Variants in CFAP54 observed in about 807,000 individuals in gnomAD.
CFAP54 encodes the protein cilia- and flagella-associated protein 54.
A neutral mutation model predicts 370.4 loss-of-function variants in CFAP54; 290 were observed. The ratio of observed to expected loss-of-function variants is 0.78; its 90% CI spans 0.71 to 0.86. CFAP54 has a LOEUF of 0.86. CFAP54 is among the 40% of genes least tolerant of loss of function. The pLI is 0.00. For synonymous variants in CFAP54, 1,206 were observed against 1,236.5 expected (o/e 0.98, Z 0.52); for missense variants, 3,399 against 3,528.7 (o/e 0.96, Z 0.93).
In CFAP54 at chr12:96,764,265, G is replaced by A. The variant is rs1310955252; in HGVS notation, c.8139+16G>A. 3 of 1,578,536 alleles carry A rather than the reference G, an allele frequency of 1.9e-6. No homozygotes were observed. The highest frequency in any genetic ancestry group is 2.6e-6 in the Non-Finnish European group (3 of 1,150,772). Reference sequence around the variant, plus strand: ...TGCTGCACAGGTTGGTGTGATTTTTGTTTAATCTTTCTTCTTACTGTCATA... The same window carrying A: ...TGCTGCACAGGTTGGTGTGATTTTTATTTAATCTTTCTTCTTACTGTCATA... On this transcript the variant is annotated intron_variant, in intron 59 of 67. Transcript: ENST00000524981.
intron 66 of CFAP54, among the ~76,000 whole-genome samples, chr12:96,830,318 C>A (rs1238002615): frequency 6.6e-6 from 1 of 152,186 alleles, no homozygotes; most frequent in East Asian, 1.9e-4. Context: ...CTACCACCAA[C>A]AATGCATAGA....
intron 64 of CFAP54, among the ~76,000 whole-genome samples, chr12:96,814,036 C>A (rs1958952651): frequency 6.6e-6 from 1 of 152,202 alleles, no homozygotes; most frequent in African/African-American, 2.4e-5. Flanking sequence ...ACTCAGCCTG[C>A]TTTGCCCGTT....
chr12:96,838,142 C>T (rs190022938), intron 66 of CFAP54, among the ~76,000 whole-genome samples: 20 of 152,156 alleles, frequency 1.3e-4, no homozygotes, highest in Admixed American at 5.2e-4. Flanking sequence ...AAGCATTTTC[C>T]GCTGATTAGG....
chr12:96,757,450 T>C lies in CFAP54; in HGVS notation c.7947-45T>C, dbSNP rs892666204. The C allele has an allele frequency of 9.9e-6, 11 of 1,110,360 alleles. No individual in the cohort carries two copies. In the Admixed American group the frequency reaches 2.2e-4, roughly 23 times the overall value. 68.8% of individuals were successfully genotyped at this position (1,110,360 alleles called of 1,614,324 possible). The stretch of plus-strand genomic sequence containing the variant: ...TGTTGGCAAATGATACCAATGATTA[T>C]GCATGGTGAAGCTATTTAATAAGTA... On this transcript the variant is annotated intron_variant, in intron 57 of 67. Transcript: ENST00000524981.
At chr12:96,823,837 C>A (rs75381034) in intron 65 of CFAP54, among the ~76,000 whole-genome samples, 1,759 of 152,196 alleles carry the variant, frequency 0.012, 31 homozygotes, top group African/African-American at 0.039. Flanking sequence ...CAGCACCTCG[C>A]CTGGAAGGGC....
At chr12:96,780,661 C>A (rs1958572120) in intron 60 of CFAP54, among the ~76,000 whole-genome samples, 1 of 152,210 alleles carries the variant, frequency 6.6e-6, no homozygotes, top group East Asian at 1.9e-4. Flanking sequence ...GTTGAAAAGG[C>A]CTATTGTGTT....
chr12:96,752,168 A>G (rs2136655097), intron 55 of CFAP54, among the ~76,000 whole-genome samples: 1 of 148,188 alleles, frequency 6.7e-6, no homozygotes, highest in Middle Eastern at 3.6e-3. Context: ...TTCACATAGC[A>G]CATGCCTGAA....
intron 36 of CFAP54, among the ~76,000 whole-genome samples, chr12:96,653,342 A>G (rs1423005055): frequency 1.3e-5 from 2 of 152,236 alleles, no homozygotes; most frequent in South Asian, 2.1e-4. Context: ...GTAAGTGCAC[A>G]TGATGTGTTC....
At chr12:96,702,069 G>A (rs1957497943) in intron 46 of CFAP54, among the ~76,000 whole-genome samples, 1 of 152,148 alleles carries the variant, frequency 6.6e-6, no homozygotes, top group Non-Finnish European at 1.5e-5. Flanking sequence ...GGTTCTGGGT[G>A]TGTTGTGAAG....
intron 30 of CFAP54, among the ~76,000 whole-genome samples, chr12:96,627,940 T>C (rs957008217): frequency 3.3e-5 from 5 of 152,232 alleles, no homozygotes; most frequent in African/African-American, 4.8e-5. Context: ...AAGATTATAA[T>C]ACTGTATTTA....
At chr12:96,585,798 TTTC>T (rs1178842684) in intron 22 of CFAP54, among the ~76,000 whole-genome samples, 13 of 152,204 alleles carry the variant, frequency 8.5e-5, no homozygotes, top group African/African-American at 3.1e-4. Flanking sequence ...CCCAACCTGC[TTTC>T]TCCCTCTGCT....
chr12:96,589,655 C>A, intron 23 of CFAP54, 92 bp downstream of exon 23: 1 of 783,140 alleles, frequency 1.3e-6, no homozygotes, highest in Non-Finnish European at 2.0e-6. Context: ...ATATCATGTT[C>A]AGATAGTCCA....
chr12:96,838,318 C>A (rs1247773735), intron 66 of CFAP54, among the ~76,000 whole-genome samples: 1 of 151,798 alleles, frequency 6.6e-6, no homozygotes. Context: ...AAAAAGTCAA[C>A]TCAGTTTACA....
At chr12:96,686,373 G>A (rs1328214479) in intron 42 of CFAP54, among the ~76,000 whole-genome samples, 1 of 152,150 alleles carries the variant, frequency 6.6e-6, no homozygotes, top group Non-Finnish European at 1.5e-5. Context: ...AGGTTACTGG[G>A]TATGTTAGGC....
intron 15 of CFAP54, among the ~76,000 whole-genome samples, chr12:96,549,944 A>G (rs2136396326): frequency 6.6e-6 from 1 of 152,356 alleles, no homozygotes. Flanking sequence ...TAAATTATAT[A>G]ACTTGCATAT....
At chr12:96,556,892 G>A (rs1955758652) in intron 17 of CFAP54, among the ~76,000 whole-genome samples, 1 of 151,564 alleles carries the variant, frequency 6.6e-6, no homozygotes, top group African/African-American at 2.4e-5. Flanking sequence ...ATAGACACTG[G>A]GGCCTTTCTG....
At chr12:96,557,084 A>G (rs1955761342) in intron 17 of CFAP54, among the ~76,000 whole-genome samples, 4 of 152,130 alleles carry the variant, frequency 2.6e-5, no homozygotes, top group South Asian at 2.1e-4. Flanking sequence ...CAAGGTGTCA[A>G]CCGAGCTGTA....
chr12:96,713,849 G>A (rs767864025), intron 48 of CFAP54, among the ~76,000 whole-genome samples: 4 of 152,120 alleles, frequency 2.6e-5, no homozygotes, highest in African/African-American at 4.8e-5. Context: ...TGAGATGGGC[G>A]TGTGCCTGGC....
intron 66 of CFAP54, among the ~76,000 whole-genome samples, chr12:96,847,363 C>T (rs1959389585): frequency 6.6e-6 from 1 of 152,018 alleles, no homozygotes; most frequent in African/African-American, 2.4e-5. Context: ...TCTACTTGTG[C>T]ACCATCCCGG....
Sources: gnomAD v4.1 joint callset for allele counts (sites outside exome capture counted in the v4.1 genomes callset) on GRCh38, gnomAD v4.1.1 for gene constraint, MANE v1.5 for transcripts, NCBI Gene and HGNC (gene_info 2026-07-23, HGNC 2026-07-21) for gene names.